MSI2: variants seen among roughly 807,000 people sequenced by gnomAD.
MSI2 encodes the protein RNA-binding protein Musashi homolog 2.
Under a neutral mutation model 45.6 loss-of-function variants are expected in MSI2, and 17 were observed. The ratio of observed to expected loss-of-function variants is 0.37; its 90% CI spans 0.26 to 0.56. The LOEUF (loss-of-function observed/expected upper bound fraction) is 0.56. Ranked by LOEUF, MSI2 falls within the 20% of genes least tolerant of loss-of-function variation. The pLI, the probability that MSI2 is intolerant of heterozygous loss-of-function variation, is 0.77. For synonymous variants in MSI2, 156 were observed against 158.2 expected (o/e 0.99, Z 0.11); for missense variants, 293 against 444.2 (o/e 0.66, Z 3.06).
At chr17:57,281,035 G>A (rs1214443257) in intron 5 of MSI2, among the ~76,000 whole-genome samples, 1 of 152,158 alleles carries the variant, frequency 6.6e-6, no homozygotes, top group Non-Finnish European at 1.5e-5. Context: ...GTCTTGTCGT[G>A]TGTGGCCTGG....
At chr17:57,427,168 G>T (rs1411992898) in intron 6 of MSI2, among the ~76,000 whole-genome samples, 1 of 152,152 alleles carries the variant, frequency 6.6e-6, no homozygotes, top group African/African-American at 2.4e-5. Context: ...AGGCAGAGGT[G>T]GGTGGGTCAG....
upstream of MSI2, chr17:57,256,521 G>T (rs1239596817): frequency 7.9e-5 from 26 of 330,594 alleles, no homozygotes; most frequent in East Asian, 1.8e-4. Context: ...GGACGGGGGG[G>T]TGTGCGAGGC....
chr17:57,328,690 C>T (rs1416795372), intron 5 of MSI2, among the ~76,000 whole-genome samples: 2 of 151,608 alleles, frequency 1.3e-5, no homozygotes, highest in Non-Finnish European at 2.9e-5. Context: ...CTGTGTGGCT[C>T]AGCTTTGCCT....
chr17:57,521,687 C>T (rs181897993), intron 6 of MSI2, among the ~76,000 whole-genome samples: 30 of 152,294 alleles, frequency 2.0e-4, no homozygotes, highest in Admixed American at 1.2e-3. Flanking sequence ...CGGCTCAACT[C>T]AGCTCTATTT....
chr17:57,351,774 T>G lies in MSI2; in HGVS notation c.313-49605T>G, dbSNP rs541987840. On this transcript the variant is annotated intron_variant, in intron 5 of 13. Transcript: ENST00000284073. ...GGGAGGCTGAGGAAGGAGAAGCGTT[T>G]GAACCCAGGAGGCAAGTTTGCAATG... is the stretch of plus-strand genomic sequence containing the variant. 1.1e-4 allele frequency among the ~76,000 whole-genome samples: 16 copies of G among 152,334 alleles called. No homozygotes were observed. In the East Asian group the frequency reaches 3.1e-3, roughly 29 times the overall value.
rs1022544513 is a variant in MSI2 at position 57,539,236 on chromosome 17, G to A, written c.454+9512G>A. Among the ~76,000 whole-genome samples the A allele has an allele frequency of 2.0e-5, 3 of 148,872 alleles. No individual in the cohort carries two copies. In the East Asian group the frequency reaches 5.9e-4, roughly 29 times the overall value. ...CTGGCTCTGTTGCCCAGGCTGGAGT[G>A]CAGTGGCGCAATCTTGGCTCGCTGC... On this transcript the variant is annotated intron_variant, in intron 7 of 13. Transcript: ENST00000284073.
intron 6 of MSI2, among the ~76,000 whole-genome samples, chr17:57,495,384 T>C (rs1295027572): frequency 6.6e-6 from 1 of 151,494 alleles, no homozygotes; most frequent in Admixed American, 6.6e-5. Flanking sequence ...AATACAAAAA[T>C]CAGCCGGGCA....
intron 7 of MSI2, among the ~76,000 whole-genome samples, chr17:57,595,296 G>A (rs141002848): frequency 8.1e-6 from 1 of 123,306 alleles, no homozygotes; most frequent in East Asian, 2.8e-4. Context: ...TGATAGAACA[G>A]CCATTCAGTT....
At chr17:57,543,120 G>C (rs78791154) in intron 7 of MSI2, among the ~76,000 whole-genome samples, 4,173 of 152,234 alleles carry the variant, frequency 0.027, 79 homozygotes, top group African/African-American at 0.051. Flanking sequence ...TAACAAAACG[G>C]AGGTGCAGGA....
At chr17:57,478,007 A>C (rs925395755) in intron 6 of MSI2, among the ~76,000 whole-genome samples, 1 of 152,166 alleles carries the variant, frequency 6.6e-6, no homozygotes, top group Non-Finnish European at 1.5e-5. Context: ...TGCAGCTCAG[A>C]GGGTAAATTA....
intron 7 of MSI2, among the ~76,000 whole-genome samples, chr17:57,568,627 C>G (rs1358911275): frequency 6.6e-6 from 1 of 152,216 alleles, no homozygotes; most frequent in Non-Finnish European, 1.5e-5. Context: ...CCCTTCTTCC[C>G]TATTGATTCT....
rs557844368 is a variant in MSI2 at position 57,393,672 on chromosome 17, G to GTTTA, written c.313-7683_313-7680dup. Among the ~76,000 whole-genome samples the GTTTA allele has an allele frequency of 3.6e-3, 543 of 152,028 alleles. 1 individual carries two copies. Among genetic ancestry groups the GTTTA allele is most frequent in the Non-Finnish European group, 4.7e-3 (318 of 67,958 alleles). ...TGGATCATATGGTAACACTATGTTT[G>GTTTA]TTTATTTATTTATTTATTTATTTAT... On this transcript the variant is annotated intron_variant, in intron 5 of 13. Transcript: ENST00000284073.
At chr17:57,418,615 A>G (rs1353553202) in intron 6 of MSI2, among the ~76,000 whole-genome samples, 3 of 152,208 alleles carry the variant, frequency 2.0e-5, no homozygotes, top group Admixed American at 1.3e-4. Flanking sequence ...CGTGGTAGCC[A>G]CAAGCTAGAG....
At chr17:57,647,285 A>C (rs1268748566) in intron 10 of MSI2, among the ~76,000 whole-genome samples, 2 of 144,360 alleles carry the variant, frequency 1.4e-5, no homozygotes, top group African/African-American at 2.7e-5. Context: ...AAAAAAAAAA[A>C]AAAAAAAAAA....
Position 57,376,549 on chromosome 17 carries a change from G to A in MSI2, c.313-24830G>A, listed in dbSNP as rs566955956. ...CATGACCCCGTGTTCTGGAGTTGGA[G>A]AAACTTCTGCTAGATTGACTGGAGA... On this transcript the variant is annotated intron_variant, in intron 5 of 13. Transcript: ENST00000284073. Among the ~76,000 whole-genome samples, 3 of 152,318 alleles carry A rather than the reference G, an allele frequency of 2.0e-5. No individual in the cohort carries two copies. In the South Asian group the frequency reaches 6.2e-4, roughly 32 times the overall value.
At chr17:57,546,653 T>C (rs546532904) in intron 7 of MSI2, among the ~76,000 whole-genome samples, 3 of 152,346 alleles carry the variant, frequency 2.0e-5, no homozygotes, top group Admixed American at 6.5e-5. Context: ...GGATTCCAGC[T>C]TGAAGTCATT....
chr17:57,537,159 G>A (rs1326781289), intron 7 of MSI2, among the ~76,000 whole-genome samples: 1 of 152,212 alleles, frequency 6.6e-6, no homozygotes, highest in East Asian at 1.9e-4. Context: ...TAGTCCAACA[G>A]TGGCAATAAG....
At chr17:57,690,410 A>C in the MSI2 span, among the ~76,000 whole-genome samples, 2 of 151,408 alleles carry the variant, frequency 1.3e-5, no homozygotes, top group African/African-American at 4.9e-5. Context: ...CAGGAGTTCA[A>C]GACCAGCCTG....
intron 5 of MSI2, among the ~76,000 whole-genome samples, chr17:57,392,867 AT>A (rs767178152): frequency 2.7e-5 from 4 of 150,744 alleles, no homozygotes; most frequent in Admixed American, 6.6e-5. Context: ...CTGGCCTGTC[AT>A]TTTTTTTTGA....
Sources: gnomAD v4.1 joint callset for allele counts (sites outside exome capture counted in the v4.1 genomes callset) on GRCh38, gnomAD v4.1.1 for gene constraint, MANE v1.5 for transcripts, NCBI Gene and HGNC (gene_info 2026-07-23, HGNC 2026-07-21) for gene names.